PDE1C: variants seen among roughly 807,000 people sequenced by gnomAD.
PDE1C encodes the protein dual specificity calcium/calmodulin-dependent 3',5'-cyclic nucleotide phosphodiesterase 1C.
A neutral mutation model predicts 93.1 loss-of-function variants in PDE1C; 62 were observed. That is an observed-to-expected ratio of 0.67 (90% CI 0.54 to 0.82). The LOEUF is 0.82. Ranked by LOEUF, PDE1C falls within the 40% of genes least tolerant of loss-of-function variation. PDE1C has a pLI of 0.00. For synonymous variants in PDE1C, 325 were observed against 310.1 expected (o/e 1.05, Z -0.50); for missense variants, 742 against 884.6 (o/e 0.84, Z 2.04).
At chr7:32,198,508 C>T (rs916540152) in intron 2 of PDE1C, among the ~76,000 whole-genome samples, 1 of 152,154 alleles carries the variant, frequency 6.6e-6, no homozygotes, top group African/African-American at 2.4e-5. Flanking sequence ...ACTGATATAG[C>T]AGCTCTGTTT....
intron 16 of PDE1C, among the ~76,000 whole-genome samples, chr7:31,807,679 G>T (rs1202528720): frequency 6.6e-6 from 1 of 151,908 alleles, no homozygotes; most frequent in Admixed American, 6.6e-5. Flanking sequence ...TGGAGAAAGT[G>T]TCTGGGTTCT....
At chr7:31,639,458 A>G in the PDE1C span, among the ~76,000 whole-genome samples, 1 of 150,154 alleles carries the variant, frequency 6.7e-6, no homozygotes, top group Non-Finnish European at 1.5e-5. Flanking sequence ...TATCTTGCAT[A>G]TATCCACTTA....
At chr7:32,224,494 C>T (rs1435496722) in intron 1 of PDE1C, among the ~76,000 whole-genome samples, 2 of 152,188 alleles carry the variant, frequency 1.3e-5, no homozygotes, top group African/African-American at 4.8e-5. Flanking sequence ...ACAATACTCA[C>T]TCCTCGGGGT....
chr7:31,927,864 A>T (rs1803609622), intron 2 of PDE1C, among the ~76,000 whole-genome samples: 1 of 152,106 alleles, frequency 6.6e-6, no homozygotes, highest in Non-Finnish European at 1.5e-5. Flanking sequence ...AAATTCCAAA[A>T]ACCAGAATAC....
At chr7:32,377,239 G>T (rs1280829659) in intron 1 of PDE1C, among the ~76,000 whole-genome samples, 1 of 152,128 alleles carries the variant, frequency 6.6e-6, no homozygotes, top group East Asian at 1.9e-4. Flanking sequence ...TGCATCTCTG[G>T]GAAAGAGTTC....
intron 6 of PDE1C, among the ~76,000 whole-genome samples, chr7:31,871,005 T>G (rs1795881654): frequency 6.6e-6 from 1 of 151,512 alleles, no homozygotes; most frequent in Non-Finnish European, 1.5e-5. Flanking sequence ...TAAAAAATAG[T>G]ATTTTCTGGT....
the PDE1C span, among the ~76,000 whole-genome samples, chr7:31,734,020 T>C: frequency 6.6e-6 from 1 of 151,900 alleles, no homozygotes; most frequent in African/African-American, 2.4e-5. Flanking sequence ...AAAAAAAATG[T>C]TTTTTTCATG....
Position 31,815,904 on chromosome 7 carries a change from A to T in PDE1C, c.1813+20T>A. The T allele has an allele frequency of 6.5e-7, 1 of 1,535,094 alleles. No individual in the cohort carries two copies. ...ATTAATGCCGCGAAAAGAGCCCTTC[A>T]CCAGTGTAAGTCTACTCACCATTCT... On this transcript the variant is annotated intron_variant, in intron 15 of 17. Coordinates refer to ENST00000396191, the MANE Select transcript of PDE1C (RefSeq NM_001191057.4).
Position 31,968,424 on chromosome 7 carries a change from G to A in PDE1C, c.128+83130C>T, listed in dbSNP as rs532512550. Among the ~76,000 whole-genome samples the A allele has an allele frequency of 6.8e-4, 104 of 152,038 alleles. 1 individual carries two copies. In the South Asian group the frequency reaches 8.3e-3, roughly 12 times the overall value. On this transcript the variant is annotated intron_variant, in intron 2 of 17. Transcript: ENST00000396191. ...CAAGGGATGTGAAGGACCTCTTCAA[G>A]GAGAACTACAAACCACTGCTCAATG... is the stretch of plus-strand genomic sequence containing the variant.
At chr7:31,667,971 G>T in the PDE1C span, among the ~76,000 whole-genome samples, 2 of 151,940 alleles carry the variant, frequency 1.3e-5, no homozygotes, top group Non-Finnish European at 2.9e-5. Context: ...TGAGGAAGAT[G>T]GTTACTTTCT....
chr7:32,228,172 A>C (rs1484680437), intron 1 of PDE1C, among the ~76,000 whole-genome samples: 1 of 152,232 alleles, frequency 6.6e-6, no homozygotes, highest in Non-Finnish European at 1.5e-5. Flanking sequence ...ACAAGAAGAG[A>C]CTAGAGAACC....
In PDE1C at chr7:31,976,427, G is replaced by C. The variant is rs6973774; in HGVS notation, c.128+75127C>G. Among the ~76,000 whole-genome samples, 1,201 of 152,266 alleles carry C rather than the reference G, an allele frequency of 7.9e-3. 13 individuals carry two copies. The highest frequency in any genetic ancestry group is 0.027 in the African/African-American group (1,130 of 41,544). ...AAAGTTAACAAAAGACTCAGGGTCA[G>C]GGATAATTAAATTCATAAGTATGTG... is the stretch of plus-strand genomic sequence containing the variant. On this transcript the variant is annotated intron_variant, in intron 2 of 17. Transcript: ENST00000396191.
At chr7:31,980,159 A>G (rs2129058402) in intron 2 of PDE1C, among the ~76,000 whole-genome samples, 1 of 152,302 alleles carries the variant, frequency 6.6e-6, no homozygotes, top group South Asian at 2.1e-4. Flanking sequence ...AATTCAATCT[A>G]GCATTCTGCT....
chr7:32,051,522 C>G, intron 2 of PDE1C, 32 bp downstream of exon 2: 1 of 1,610,464 alleles, frequency 6.2e-7, no homozygotes, highest in East Asian at 2.2e-5. Flanking sequence ...ACAAATGAAT[C>G]AACCAGTTGC....
At chr7:31,812,179 C>A (rs1787639072) in intron 15 of PDE1C, among the ~76,000 whole-genome samples, 1 of 152,114 alleles carries the variant, frequency 6.6e-6, no homozygotes, top group African/African-American at 2.4e-5. Context: ...TTTCCCACCT[C>A]TCATTTACTG....
chr7:31,803,382 TGG>T (rs1786320955), intron 16 of PDE1C, among the ~76,000 whole-genome samples: 1 of 150,444 alleles, frequency 6.6e-6, no homozygotes, highest in African/African-American at 2.4e-5. Context: ...TGGTTTCAAT[TGG>T]TTGGGCTTTT....
At chr7:31,838,483 T>C (rs1205831887) in intron 9 of PDE1C, among the ~76,000 whole-genome samples, 1 of 152,216 alleles carries the variant, frequency 6.6e-6, no homozygotes, top group Non-Finnish European at 1.5e-5. Flanking sequence ...CTTGTGTTAA[T>C]GTGGTGCATT....
intron 1 of PDE1C, among the ~76,000 whole-genome samples, chr7:32,306,859 A>G (rs879271776): frequency 5.3e-5 from 8 of 152,192 alleles, no homozygotes; most frequent in Admixed American, 5.2e-4. Flanking sequence ...AGTTAGTCAG[A>G]GAAGGGAAAG....
At chr7:31,650,919 A>G in the PDE1C span, among the ~76,000 whole-genome samples, 1 of 152,090 alleles carries the variant, frequency 6.6e-6, no homozygotes, top group African/African-American at 2.4e-5. Context: ...TTGTCACCCA[A>G]AGGCCACCCA....
Sources: gnomAD v4.1 joint callset for allele counts (sites outside exome capture counted in the v4.1 genomes callset) on GRCh38, gnomAD v4.1.1 for gene constraint, MANE v1.5 for transcripts, NCBI Gene and HGNC (gene_info 2026-07-23, HGNC 2026-07-21) for gene names.